Variants in ZFP91 observed in about 807,000 individuals in gnomAD.
ZFP91 encodes ZFP91 zinc finger protein, atypical E3 ubiquitin ligase.
A neutral mutation model predicts 63.5 loss-of-function variants in ZFP91; 7 were observed. The ratio of observed to expected loss-of-function variants is 0.11; its 90% CI spans 0.06 to 0.21. The LOEUF is 0.21. Among genes scored for constraint, ZFP91 ranks in the 10% least tolerant of loss-of-function variants. The pLI is 1.00. For missense variants in ZFP91, 628 were observed against 736.6 expected, an observed-to-expected ratio of 0.85 and a Z score of 1.71; for synonymous variants, 330 against 272.1, an observed-to-expected ratio of 1.21 and a Z score of -2.10.
chr11:58,604,839 A>G (rs1220957919), intron 2 of ZFP91, among the ~76,000 whole-genome samples: 1 of 152,212 alleles, frequency 6.6e-6, no homozygotes, highest in Non-Finnish European at 1.5e-5. Flanking sequence ...AAAAGATTGG[A>G]CAACCAGGTC....
intron 2 of ZFP91, among the ~76,000 whole-genome samples, chr11:58,590,984 C>G (rs146671098): frequency 1.3e-3 from 203 of 151,752 alleles, no homozygotes; most frequent in Non-Finnish European, 2.6e-3. Flanking sequence ...TACAGAAATG[C>G]ACATATTATA....
At position 58,584,903 on chromosome 11, in the gene ZFP91, T is replaced by TA. The variant is rs1855179381; in HGVS notation, c.370+20dup. On this transcript the variant is annotated intron_variant, in intron 2 of 10. Transcript: ENST00000316059. ...GATAAAGGTAAGACTTGGTCATCCT[T>TA]ACCTCTAGCGTACATTACACTGATT... is the stretch of plus-strand genomic sequence containing the variant. 1 of 1,510,402 alleles carries TA rather than the reference T, an allele frequency of 6.6e-7. No homozygotes were observed. Among genetic ancestry groups the TA allele is most frequent in the African/African-American group, 1.5e-5 (1 of 68,596 alleles). 93.6% of individuals were successfully genotyped at this position (1,510,402 alleles called of 1,614,324 possible).
intron 2 of ZFP91, among the ~76,000 whole-genome samples, chr11:58,585,629 A>G (rs571072724): frequency 2.0e-5 from 3 of 152,258 alleles, no homozygotes; most frequent in African/African-American, 7.2e-5. Flanking sequence ...CCAGTTTCCA[A>G]ACTCCTAGAA....
Position 58,617,528 on chromosome 11 carries a change from C to G in ZFP91, c.1535C>G (p.Ala512Gly), listed in dbSNP as rs766440743. 33 of 1,614,090 alleles carry G rather than the reference C, an allele frequency of 2.0e-5. No homozygotes were observed. The South Asian group carries it at 3.5e-4, about 17-fold the overall frequency. The change falls in exon 11 of 11, where the codon GCT becomes GGT. Residue 512 changes from alanine to glycine, a missense_variant. Ala to Gly is a moderately conservative substitution (Grantham distance 60). This residue lies in a region of ZFP91 where 115 missense variants were observed against 125.4 expected (regional missense o/e 0.92). Coordinates refer to ENST00000316059, the MANE Select transcript of ZFP91 (RefSeq NM_053023.5). This position sits in a 1 kb window ranked among gnomAD's most constrained non-coding sequence, Gnocchi z 4.2. ...STSGECLLLE[A>G]EGMSKSYCSG... ...TCTGGAGAGTGCCTACTGTTAGAAG[C>G]TGAAGGGATGTCAAAGTCATACTGC...
rs976595629 is a variant in ZFP91 at position 58,617,682 on chromosome 11, A to G, written c.1689A>G (p.Glu563=). 11 of 1,517,644 alleles carry G rather than the reference A, an allele frequency of 7.2e-6. No homozygotes were observed. Among genetic ancestry groups the G allele is most frequent in the African/African-American group, 2.8e-5 (2 of 71,692 alleles). The allele number at this position is 1,517,644 out of a possible 1,614,324, so 94.0% of individuals were successfully genotyped here. A position where few individuals can be genotyped will look rare whatever the true frequency, so the allele number is the denominator to read the frequency against. ...ILGATTEVLI[E]DSDSAGP is the part of the protein sequence containing the mutation. Reference sequence around the variant, plus strand: ...GTGCTACCACAGAGGTTCTGATTGAAGATTCAGACTCTGCCGGACCTTAGT... The same window carrying G: ...GTGCTACCACAGAGGTTCTGATTGAGGATTCAGACTCTGCCGGACCTTAGT... The change falls in exon 11 of 11, where the codon GAA becomes GAG. Residue 563 remains glutamate (E), a synonymous_variant. Transcript: ENST00000316059. This position sits in a 1 kb window ranked among gnomAD's most constrained non-coding sequence, Gnocchi z 4.2.
chr11:58,618,518 A>G lies in ZFP91; in HGVS notation c.*812A>G, dbSNP rs1855791046. On this transcript the variant is annotated 3_prime_UTR_variant, in exon 11 of 11. Coordinates refer to ENST00000316059, the MANE Select transcript of ZFP91 (RefSeq NM_053023.5). The stretch of plus-strand genomic sequence containing the variant: ...CTAATGGCAGAAATTTGCACTTTGA[A>G]CATGTGTGTTTTTGTGTTGTGGAAC... 3 of 380,984 alleles carry G rather than the reference A, an allele frequency of 7.9e-6. No homozygotes were observed. 23.6% of individuals were successfully genotyped at this position (380,984 alleles called of 1,614,324 possible). A position where few individuals can be genotyped will look rare whatever the true frequency, so the allele number is the denominator to read the frequency against.
At chr11:58,611,504 T>G (rs1855661777) in intron 5 of ZFP91, 100 bp from the exon 6 acceptor site, 1 of 1,436,770 alleles carries the variant, frequency 7.0e-7, no homozygotes, top group East Asian at 2.3e-5. Context: ...AGGAAGGTAG[T>G]TTTATAACAA....
intron 2 of ZFP91, among the ~76,000 whole-genome samples, chr11:58,597,216 A>G (rs1003638233): frequency 4.6e-5 from 7 of 152,180 alleles, no homozygotes; most frequent in African/African-American, 1.7e-4. Flanking sequence ...TTCGAGGCTC[A>G]GGAGTTAGTA....
At chr11:58,613,850 G>A (rs1204891654) in intron 8 of ZFP91, among the ~76,000 whole-genome samples, 6 of 152,110 alleles carry the variant, frequency 3.9e-5, no homozygotes, top group South Asian at 2.1e-4. Flanking sequence ...CTTCTGGATC[G>A]TGGTTCAGTT....
chr11:58,608,647 G>A (rs12803463), intron 2 of ZFP91, among the ~76,000 whole-genome samples: 8,431 of 151,872 alleles, frequency 0.056, 318 homozygotes, highest in Non-Finnish European at 0.073. Flanking sequence ...CTCTTTCGCC[G>A]AGGCTGGAGT....
intron 2 of ZFP91, among the ~76,000 whole-genome samples, chr11:58,586,518 A>T (rs762142613): frequency 2.6e-5 from 4 of 152,218 alleles, no homozygotes; most frequent in Non-Finnish European, 4.4e-5. Flanking sequence ...ATTTGATCCG[A>T]AGATCAATCC....
intron 5 of ZFP91, 69 bp downstream of exon 5, chr11:58,611,123 AT>A (rs777543700): frequency 7.1e-7 from 1 of 1,403,274 alleles, no homozygotes; most frequent in South Asian, 1.2e-5. Context: ...GCATGCTTTT[AT>A]TTTATCTGTT....
intron 9 of ZFP91, among the ~76,000 whole-genome samples, chr11:58,614,757 T>C (rs947921730): frequency 9.2e-5 from 14 of 152,144 alleles, no homozygotes; most frequent in Non-Finnish European, 1.8e-4. Flanking sequence ...AGGAGAAGCA[T>C]AATACTCTGC....
Position 58,614,906 on chromosome 11 carries a change from T to A in ZFP91, c.1102+563T>A, listed in dbSNP as rs1008560854. Among the ~76,000 whole-genome samples, 3 of 152,194 alleles carry A rather than the reference T, an allele frequency of 2.0e-5. No homozygotes were observed. In the South Asian group the frequency reaches 6.2e-4, roughly 31 times the overall value. On this transcript the variant is annotated intron_variant, in intron 9 of 10. Transcript: ENST00000316059. Reference sequence around the variant, plus strand: ...AATTTATTTGTAACCACTGACCATCTCAGTGCAGTGTACCTAATAGGAACA... The same window carrying A: ...AATTTATTTGTAACCACTGACCATCACAGTGCAGTGTACCTAATAGGAACA...
At chr11:58,613,611 A>G (rs932929497) in intron 8 of ZFP91, among the ~76,000 whole-genome samples, 1 of 152,208 alleles carries the variant, frequency 6.6e-6, no homozygotes, top group African/African-American at 2.4e-5. Context: ...TTAGAAAAAA[A>G]GTAAAATTAG....
Position 58,579,491 on chromosome 11 carries a change from C to T in ZFP91, c.210C>T (p.Arg70=). The change falls in exon 1 of 11, where the codon CGC becomes CGT. Residue 70 remains arginine (R), a synonymous_variant. Transcript: ENST00000316059. ...CCGCCGCCGCCGCAGCTGTGTCCCG[C>T]CGGAGGAAGGCCGAGTATCCCCGCC... ...AAAAAAAAVS[R]RRKAEYPRRR... is the part of the protein sequence containing the mutation. 1.3e-6 allele frequency: 2 copies of T among 1,518,386 alleles called. No homozygotes were observed. The highest frequency in any genetic ancestry group is 1.4e-5 in the African/African-American group (1 of 69,500). The allele number at this position is 1,518,386 out of a possible 1,614,324, so 94.1% of individuals were successfully genotyped here. A position where few individuals can be genotyped will look rare whatever the true frequency, so the allele number is the denominator to read the frequency against.
Position 58,609,906 on chromosome 11 carries a change from C to T in ZFP91, c.447C>T (p.Ser149=). The T allele has an allele frequency of 6.2e-7, 1 of 1,614,174 alleles. No individual in the cohort carries two copies. The highest frequency in any genetic ancestry group is 8.5e-7 in the Non-Finnish European group (1 of 1,180,026). The change falls in exon 3 of 11, where the codon AGC becomes AGT. Residue 149 remains serine (S), a synonymous_variant. Coordinates refer to ENST00000316059, the MANE Select transcript of ZFP91 (RefSeq NM_053023.5). ...TTTCCATTGCTGCATCTAGACCTAG[C>T]CGGGGCTGGCGTAGTAGTAGGACAT... ...QEVSIAASRP[S]RGWRSSRTSV... is the part of the protein sequence containing the mutation.
intron 1 of ZFP91, among the ~76,000 whole-genome samples, chr11:58,582,637 A>C (rs1032142482): frequency 3.3e-5 from 5 of 152,244 alleles, no homozygotes; most frequent in Admixed American, 6.5e-5. Flanking sequence ...CTTTAGTCAG[A>C]AAGTTTTATG....
chr11:58,617,964 T>A lies in ZFP91; in HGVS notation c.*258T>A, dbSNP rs893509673. ...AAAGAAGCAGCAGCAGCTCTTAAAG[T>A]GAGGGTTATTCTCATACTCGGTTCC... On this transcript the variant is annotated 3_prime_UTR_variant, in exon 11 of 11. Coordinates refer to ENST00000316059, the MANE Select transcript of ZFP91 (RefSeq NM_053023.5). This position sits in a 1 kb window ranked among gnomAD's most constrained non-coding sequence, Gnocchi z 4.2. The A allele has an allele frequency of 2.7e-6, 1 of 366,220 alleles. No homozygotes were observed. The highest frequency in any genetic ancestry group is 4.7e-6 in the Non-Finnish European group (1 of 213,582). The allele number at this position is 366,220 out of a possible 1,614,324, so 22.7% of individuals were successfully genotyped here.
Sources: allele counts gnomAD v4.1 joint callset (sites outside exome capture counted in the v4.1 genomes callset), GRCh38; gene constraint gnomAD v4.1.1; regional missense constraint gnomAD v4.1.1; non-coding constraint Gnocchi (gnomAD v3.1); transcripts MANE v1.5; gene names NCBI Gene and HGNC (gene_info 2026-07-23, HGNC 2026-07-21).